The following ADNP variants were observed in gnomAD, a reference collection of about 807,000 sequenced individuals.
The protein encoded by ADNP is activity-dependent neuroprotector homeobox protein.
ADNP carries 4 observed loss-of-function variants against 84.9 expected under a neutral mutation model. The observed-to-expected ratio is 0.05, with a 90% CI of 0.02 to 0.11. ADNP has a LOEUF of 0.11. ADNP is among the 10% of genes least tolerant of loss of function. The pLI is 1.00. For missense variants in ADNP, 1,132 were observed against 1,326.0 expected (o/e 0.85, Z 2.27); for synonymous variants, 554 against 468.1 (o/e 1.18, Z -2.37).
rs774858249 is a variant in ADNP, at chr20:50,893,478, G to A, written c.1236C>T (p.Leu412=). The change falls in exon 6 of 6, where the codon CTC becomes CTT. Residue 412 remains leucine, a synonymous_variant. Coordinates refer to ENST00000621696, the MANE Select transcript of ADNP (RefSeq NM_001282531.3). The surrounding 1 kb of genome is among the most constrained non-coding windows in gnomAD (Gnocchi z 4.4). The part of the protein sequence containing the change: ...LSSGQLKSPS[L]SQSQASRVLG... ...ACACTCTGGATGCCTGTGACTGAGAGAGGGAAGGAGACTTTAACTGGCCCG... is the reference window on the plus strand; with the variant it reads ...ACACTCTGGATGCCTGTGACTGAGAAAGGGAAGGAGACTTTAACTGGCCCG... The A allele has an allele frequency of 2.5e-6, 4 of 1,613,854 alleles. No homozygotes were observed. Among genetic ancestry groups the A allele is most frequent in the South Asian group, 1.1e-5 (1 of 91,084 alleles).
At chr20:50,917,063 C>T (rs1011595835) in intron 2 of ADNP, among the ~76,000 whole-genome samples, 11 of 152,328 alleles carry the variant, frequency 7.2e-5, no homozygotes, top group African/African-American at 2.6e-4. Flanking sequence ...GGTGAAGCAA[C>T]TGCTTGCCCA....
Position 50,892,232 on chromosome 20 carries a change from T to C in ADNP, c.2482A>G (p.Met828Val), listed in dbSNP as rs1186069093. 3.1e-6 allele frequency: 5 copies of C among 1,614,196 alleles called. No homozygotes were observed. Among genetic ancestry groups the C allele is most frequent in the Non-Finnish European group, 4.2e-6 (5 of 1,180,046 alleles). ...YKPGVLLGFN[M>V]KELNKVKHEM... Reference sequence around the variant, plus strand: ...TGCTTGACTTTATTTAATTCTTTCATGTTAAACCCCAGCAACACGCCAGGC... The same window carrying C: ...TGCTTGACTTTATTTAATTCTTTCACGTTAAACCCCAGCAACACGCCAGGC... Residue 828 changes from methionine to valine, a missense_variant, in exon 6 of 6, where the codon ATG (methionine) becomes GTG (valine). By Grantham distance (21) the Met-to-Val change is conservative. Around this residue, in one of 10 missense-constraint regions of ADNP, gnomAD observed 41 missense variants for 78.4 expected, o/e 0.52. Coordinates refer to ENST00000621696, the MANE Select transcript of ADNP (RefSeq NM_001282531.3).
chr20:50,901,321 TAAAAAAAAA>T (rs11470054), intron 5 of ADNP, among the ~76,000 whole-genome samples: 6 of 92,754 alleles, frequency 6.5e-5, no homozygotes, highest in South Asian at 3.8e-4. Flanking sequence ...CTGGGGTATT[TAAAAAAAAA>T]AAAAAAAAAA....
Position 50,919,294 on chromosome 20 carries a change from T to C in ADNP, c.-90+9357A>G, listed in dbSNP as rs879469558. The stretch of plus-strand genomic sequence containing the variant: ...GAAAAAATACATATATTTAAGTGTA[T>C]ATATATATATATATATATATATGTA... On this transcript the variant is annotated intron_variant, in intron 2 of 5. Coordinates refer to ENST00000621696, the MANE Select transcript of ADNP (RefSeq NM_001282531.3). Among the ~76,000 whole-genome samples, 651 of 117,858 alleles carry C rather than the reference T, an allele frequency of 5.5e-3. 17 individuals carry two copies. Among genetic ancestry groups the C allele is most frequent in the African/African-American group, 0.026 (493 of 19,278 alleles). 77.3% of individuals were successfully genotyped at this position (117,858 alleles called of 152,430 possible). A position where few individuals can be genotyped will look rare whatever the true frequency, so the allele number is the denominator to read the frequency against.
In ADNP at chr20:50,890,057, A is replaced by G; in HGVS notation, c.*1348T>C. On this transcript the variant is annotated 3_prime_UTR_variant, in exon 6 of 6. Coordinates refer to ENST00000621696, the MANE Select transcript of ADNP (RefSeq NM_001282531.3). ...ACATTTTTTTTTTTATCATTGAGACATTTACATATATATGCAGGCTCTGCT... is the reference window on the plus strand; with the variant it reads ...ACATTTTTTTTTTTATCATTGAGACGTTTACATATATATGCAGGCTCTGCT... 1 of 344,430 alleles carries G rather than the reference A, an allele frequency of 2.9e-6. No homozygotes were observed. Among genetic ancestry groups the G allele is most frequent in the Non-Finnish European group, 5.2e-6 (1 of 193,298 alleles). The allele number at this position is 344,430 out of a possible 1,614,324, so 21.3% of individuals were successfully genotyped here. A position where few individuals can be genotyped will look rare whatever the true frequency, so the allele number is the denominator to read the frequency against.
chr20:50,927,238 G>A (rs1568748278), intron 2 of ADNP, among the ~76,000 whole-genome samples: 2 of 152,116 alleles, frequency 1.3e-5, no homozygotes, highest in Non-Finnish European at 2.9e-5. Flanking sequence ...CAAATTCACA[G>A]TGGGCATGTA....
At chr20:50,918,083 T>TTTC (rs1229045529) in intron 2 of ADNP, among the ~76,000 whole-genome samples, 31 of 152,306 alleles carry the variant, frequency 2.0e-4, no homozygotes, top group Non-Finnish European at 2.9e-5. Flanking sequence ...TTAACAGGTA[T>TTTC]AGAGTTTCAG....
At position 50,894,342 on chromosome 20, in the gene ADNP, G is replaced by A. The variant is rs747703101; in HGVS notation, c.372C>T (p.His124=). ...FNADKKTLET[H]IKIFHAPNAS... ...CGTTCGGAGCATGAAATATTTTAAT[G>A]TGTGTTTCCAAAGTCTTTTTGTCTG... is the stretch of plus-strand genomic sequence containing the variant. Residue 124 remains histidine (H), a synonymous_variant, in exon 6 of 6, where the codon CAC becomes CAT. Transcript: ENST00000621696. The A allele has an allele frequency of 2.5e-6, 4 of 1,613,796 alleles. No homozygotes were observed. Among genetic ancestry groups the A allele is most frequent in the Non-Finnish European group, 2.5e-6 (3 of 1,179,960 alleles).
chr20:50,917,839 T>C (rs1183883800), intron 2 of ADNP, among the ~76,000 whole-genome samples: 1 of 152,222 alleles, frequency 6.6e-6, no homozygotes, highest in Non-Finnish European at 1.5e-5. Context: ...AAATGAAATG[T>C]GGTCATATCC....
chr20:50,923,552 C>A (rs1984095789), intron 2 of ADNP, among the ~76,000 whole-genome samples: 1 of 152,096 alleles, frequency 6.6e-6, no homozygotes, highest in Non-Finnish European at 1.5e-5. Context: ...GAGTCTCACT[C>A]TGTCACCCAG....
chr20:50,893,443 G>T lies in ADNP; in HGVS notation c.1271C>A (p.Ser424Tyr). The T allele has an allele frequency of 1.2e-6, 2 of 1,614,098 alleles. No individual in the cohort carries two copies. Among genetic ancestry groups the T allele is most frequent in the South Asian group, 1.1e-5 (1 of 91,078 alleles). The change falls in exon 6 of 6, where the codon TCC becomes TAC. Residue 424 changes from serine to tyrosine, a missense_variant. This residue lies in a region of ADNP where 239 missense variants were observed against 213.2 expected (regional missense o/e 1.12). Transcript: ENST00000621696. The surrounding 1 kb of genome is among the most constrained non-coding windows in gnomAD (Gnocchi z 4.4). ...QSQASRVLGQ[S>Y]SSKPAAAATG... is the part of the protein sequence containing the mutation. ...GGCAGCTGCAGCAGGTTTGGAACTG[G>T]ACTGACCTAACACTCTGGATGCCTG...
chr20:50,917,887 A>T (rs1247112265), intron 2 of ADNP, among the ~76,000 whole-genome samples: 1 of 152,228 alleles, frequency 6.6e-6, no homozygotes, highest in Non-Finnish European at 1.5e-5. Context: ...AAAAGAATAA[A>T]GTACCGACAC....
intron 2 of ADNP, among the ~76,000 whole-genome samples, chr20:50,912,190 CCT>C (rs1278209812): frequency 2.6e-5 from 4 of 152,124 alleles, no homozygotes; most frequent in Non-Finnish European, 4.4e-5. Context: ...ACGGAGTCTC[CCT>C]CTGTTACCCA....
At chr20:50,898,360 A>ACTTTTTGCT (rs1269797709) in intron 5 of ADNP, among the ~76,000 whole-genome samples, 11 of 151,924 alleles carry the variant, frequency 7.2e-5, no homozygotes, top group Non-Finnish European at 1.6e-4. Context: ...CCTCAAACAC[A>ACTTTTTGCT]CTTTTTGCTT....
At chr20:50,901,125 T>C (rs1326194130) in intron 5 of ADNP, among the ~76,000 whole-genome samples, 1 of 152,082 alleles carries the variant, frequency 6.6e-6, no homozygotes, top group African/African-American at 2.4e-5. Context: ...TTATCTTTTC[T>C]CCCTAGAAAC....
chr20:50,903,084 G>A (rs1321619812), intron 4 of ADNP, among the ~76,000 whole-genome samples: 1 of 152,006 alleles, frequency 6.6e-6, no homozygotes, highest in Admixed American at 6.6e-5. Flanking sequence ...CACCTATTAC[G>A]TGCAAAACAC....
intron 4 of ADNP, among the ~76,000 whole-genome samples, chr20:50,902,677 G>T (rs1982105169): frequency 6.6e-6 from 1 of 152,132 alleles, no homozygotes; most frequent in East Asian, 1.9e-4. Flanking sequence ...TCCAGACTAG[G>T]AAGATTAAAA....
chr20:50,925,263 T>TATAC (rs1555816933), intron 2 of ADNP, among the ~76,000 whole-genome samples: 1 of 148,998 alleles, frequency 6.7e-6, no homozygotes, highest in Admixed American at 6.7e-5. Flanking sequence ...TGACTTCCTA[T>TATAC]ACACACACAC....
intron 5 of ADNP, among the ~76,000 whole-genome samples, chr20:50,901,433 A>G (rs1395761540): frequency 6.6e-6 from 1 of 152,134 alleles, no homozygotes; most frequent in Middle Eastern, 3.2e-3. Flanking sequence ...CACTCCTAAA[A>G]TAGGTAATGG....
Sources: allele counts gnomAD v4.1 joint callset (sites outside exome capture counted in the v4.1 genomes callset), GRCh38; gene constraint gnomAD v4.1.1; regional missense constraint gnomAD v4.1.1; non-coding constraint Gnocchi (gnomAD v3.1); transcripts MANE v1.5; gene names NCBI Gene and HGNC (gene_info 2026-07-23, HGNC 2026-07-21).